Variants in DNAJB4 observed in about 807,000 individuals in gnomAD.
DNAJB4 encodes the protein dnaJ homolog subfamily B member 4.
A neutral mutation model predicts 26.6 loss-of-function variants in DNAJB4; 10 were observed. The observed-to-expected ratio is 0.38, with a 90% CI of 0.23 to 0.64. The LOEUF (loss-of-function observed/expected upper bound fraction) is 0.64. Among genes scored for constraint, DNAJB4 ranks in the 30% least tolerant of loss-of-function variants. DNAJB4 has a pLI of 0.58. For missense variants in DNAJB4, 328 were observed against 408.2 expected (o/e 0.80, Z 1.69); for synonymous variants, 136 against 134.8 (o/e 1.01, Z -0.06).
At position 78,016,166 on chromosome 1, in the gene DNAJB4, A is replaced by G; in HGVS notation, c.933A>G (p.Leu311=). Residue 311 remains leucine, a synonymous_variant, in exon 3 of 3, where the codon CTA becomes CTG. Coordinates refer to ENST00000370763, the MANE Select transcript of DNAJB4 (RefSeq NM_007034.5). ...ATCCTGACCAACGTGGTGACCTTCT[A>G]ATAGAATTTGAGGTGTCCTTCCCAG... ...PKNPDQRGDL[L]IEFEVSFPDT... 6.2e-7 allele frequency: 1 copy of G among 1,614,144 alleles called. No homozygotes were observed. The highest frequency in any genetic ancestry group is 8.5e-7 in the Non-Finnish European group (1 of 1,180,024).
At chr1:77,995,525 T>C (rs529576023) in intron 1 of DNAJB4, among the ~76,000 whole-genome samples, 1 of 152,320 alleles carries the variant, frequency 6.6e-6, no homozygotes, top group South Asian at 2.1e-4. Context: ...TGATCATGGC[T>C]TATTGCAGCC....
upstream of DNAJB4, among the ~76,000 whole-genome samples, chr1:78,001,309 C>G (rs1553134743): frequency 6.6e-6 from 1 of 150,648 alleles, no homozygotes; most frequent in Non-Finnish European, 1.5e-5. Context: ...CACTTCACTG[C>G]AGCCTGGGTG....
chr1:77,979,378 A>C, upstream of DNAJB4: 1 of 223,942 alleles, frequency 4.5e-6, no homozygotes, highest in Non-Finnish European at 8.9e-6. Flanking sequence ...GGAAGCCTGA[A>C]GAAAAGGTTG....
intron 1 of DNAJB4, among the ~76,000 whole-genome samples, chr1:77,982,738 C>T (rs914269075): frequency 2.0e-5 from 3 of 152,234 alleles, no homozygotes; most frequent in African/African-American, 2.4e-5. Flanking sequence ...GGGGAGGTTG[C>T]AGTGAGCTGA....
chr1:77,990,479 A>C (rs1659905333), intron 1 of DNAJB4, among the ~76,000 whole-genome samples: 1 of 152,298 alleles, frequency 6.6e-6, no homozygotes, highest in South Asian at 2.1e-4. Flanking sequence ...AAATTAAATA[A>C]AATTTACCTT....
chr1:77,984,611 A>T (rs910077069), intron 1 of DNAJB4, among the ~76,000 whole-genome samples: 4 of 152,118 alleles, frequency 2.6e-5, no homozygotes, highest in African/African-American at 7.2e-5. Context: ...GAATACAGAA[A>T]TTTTGTCTTC....
chr1:78,009,951 C>CT (rs1331527944), intron 1 of DNAJB4, among the ~76,000 whole-genome samples: 2 of 151,534 alleles, frequency 1.3e-5, no homozygotes, highest in Admixed American at 6.6e-5. Context: ...ATTAGAGTAG[C>CT]TTCGTTCTTT....
At chr1:77,983,598 G>C (rs1373951326) in intron 1 of DNAJB4, among the ~76,000 whole-genome samples, 1 of 152,190 alleles carries the variant, frequency 6.6e-6, no homozygotes, top group Admixed American at 6.5e-5. Flanking sequence ...GACTCTTAAG[G>C]AGAGTGCTGC....
intron 1 of DNAJB4, among the ~76,000 whole-genome samples, chr1:77,997,972 G>A (rs962620612): frequency 4.6e-5 from 7 of 152,004 alleles, no homozygotes; most frequent in African/African-American, 1.2e-4. Context: ...TTTTCACGGG[G>A]TTTTACCGTG....
intron 1 of DNAJB4, among the ~76,000 whole-genome samples, chr1:78,008,644 C>G (rs1374476324): frequency 6.6e-6 from 1 of 152,082 alleles, no homozygotes; most frequent in Non-Finnish European, 1.5e-5. Flanking sequence ...TGGAAATGTT[C>G]TATAACTGGA....
intron 1 of DNAJB4, among the ~76,000 whole-genome samples, chr1:77,999,309 A>G (rs893191475): frequency 6.6e-6 from 1 of 152,212 alleles, no homozygotes; most frequent in Non-Finnish European, 1.5e-5. Context: ...GACTGTAGCT[A>G]TAGAAAAGCT....
chr1:77,990,934 CA>C (rs1233039359), intron 1 of DNAJB4, among the ~76,000 whole-genome samples: 2 of 152,192 alleles, frequency 1.3e-5, no homozygotes, highest in Non-Finnish European at 2.9e-5. Context: ...AGAAATAAAA[CA>C]GGACCCCGCT....
rs1571413841 is a variant in DNAJB4 at position 77,980,322 on chromosome 1, G to GGT, written c.-32+1_-32+2dup. 3.1e-5 allele frequency: 4 copies of GGT among 129,188 alleles called. No individual in the cohort carries two copies. In the East Asian group the frequency reaches 8.8e-4, roughly 29 times the overall value. The allele number at this position is 129,188 out of a possible 1,614,324, so 8.0% of individuals were successfully genotyped here. On this transcript the variant is annotated splice_region_variant and 5_prime_UTR_variant. Transcript: ENST00000426517. ...ATTCTGAATTGTCATCACAGGACTAGGTATATATATATATATATGTGTGTG... is the reference window on the plus strand; with the variant it reads ...ATTCTGAATTGTCATCACAGGACTAGGTGTATATATATATATATATGTGTGTG...
chr1:78,006,174 A>G (rs1038602589), intron 1 of DNAJB4, among the ~76,000 whole-genome samples: 2 of 152,176 alleles, frequency 1.3e-5, no homozygotes, highest in African/African-American at 4.8e-5. Context: ...GAGATCAAAA[A>G]CTAGTGAGCA....
intron 1 of DNAJB4, among the ~76,000 whole-genome samples, chr1:77,999,182 T>C (rs1285668212): frequency 6.6e-6 from 1 of 152,180 alleles, no homozygotes; most frequent in Non-Finnish European, 1.5e-5. Flanking sequence ...TATTTAGATA[T>C]TATCTTAAAA....
Position 78,013,533 on chromosome 1 carries a change from G to GT in DNAJB4, c.699dup (p.Ile234TyrfsTer3). The stretch of plus-strand genomic sequence containing the variant: ...ACCAAATAGTATTCCAGCAGACATT[G>GT]TTTTTATCATTAAAGACAAAGATCA... On this transcript the variant is annotated frameshift_variant, in exon 2 of 3. Transcript: ENST00000370763. LOFTEE classifies it high-confidence loss of function. 1 of 1,613,310 alleles carries GT rather than the reference G, an allele frequency of 6.2e-7. No homozygotes were observed. The highest frequency in any genetic ancestry group is 8.5e-7 in the Non-Finnish European group (1 of 1,179,904).
At chr1:78,012,225 C>T (rs1355455653) in intron 1 of DNAJB4, among the ~76,000 whole-genome samples, 4 of 123,374 alleles carry the variant, frequency 3.2e-5, no homozygotes, top group East Asian at 2.5e-4. Flanking sequence ...TGCAGTGGTG[C>T]GATCTCAGCT....
At chr1:77,985,342 C>G (rs910941289) in intron 1 of DNAJB4, among the ~76,000 whole-genome samples, 3 of 152,060 alleles carry the variant, frequency 2.0e-5, no homozygotes, top group African/African-American at 7.2e-5. Flanking sequence ...AATTTGCCTT[C>G]TGATTCCATT....
upstream of DNAJB4, chr1:78,004,562 A>C (rs28362660): frequency 6.6e-6 from 1 of 152,218 alleles, no homozygotes; most frequent in Non-Finnish European, 1.5e-5. Context: ...CCTAAAGTAG[A>C]ATTGTCGTTC....
Sources: gnomAD v4.1 joint callset for allele counts (sites outside exome capture counted in the v4.1 genomes callset) on GRCh38, gnomAD v4.1.1 for gene constraint, MANE v1.5 for transcripts, NCBI Gene and HGNC (gene_info 2026-07-23, HGNC 2026-07-21) for gene names.